SHISAL1: variants seen among roughly 807,000 people sequenced by gnomAD.
SHISAL1 encodes the protein shisa like 1, also known as protein shisa-like-1.
Under a neutral mutation model 22.6 loss-of-function variants are expected in SHISAL1, and 9 were observed. The ratio of observed to expected loss-of-function variants is 0.40; its 90% CI spans 0.24 to 0.70. The LOEUF (loss-of-function observed/expected upper bound fraction) is 0.70, where lower values mean the gene tolerates loss of function less well. Ranked by LOEUF, SHISAL1 falls within the 30% of genes least tolerant of loss-of-function variation. The pLI, the probability that SHISAL1 is intolerant of heterozygous loss-of-function variation, is 0.39. For missense variants in SHISAL1, 246 were observed against 270.6 expected, an observed-to-expected ratio of 0.91 and a Z score of 0.64; for synonymous variants, 119 against 115.4, an observed-to-expected ratio of 1.03 and a Z score of -0.20.
intron 3 of SHISAL1, among the ~76,000 whole-genome samples, chr22:44,295,965 G>T (rs1569222001): frequency 6.6e-6 from 1 of 152,148 alleles, no homozygotes; most frequent in Non-Finnish European, 1.5e-5. Context: ...GAAAAGAACT[G>T]CATGGGATTA....
At chr22:44,299,458 T>C (rs1244905715) in intron 2 of SHISAL1, among the ~76,000 whole-genome samples, 1 of 152,124 alleles carries the variant, frequency 6.6e-6, no homozygotes, top group Non-Finnish European at 1.5e-5. Flanking sequence ...CCTCCAGGGA[T>C]GGTGAGGACC....
chr22:44,313,547 G>A (rs1357259527), upstream of SHISAL1, among the ~76,000 whole-genome samples: 1 of 152,240 alleles, frequency 6.6e-6, no homozygotes, highest in South Asian at 2.1e-4. Flanking sequence ...GGTGGGGATG[G>A]GGCAGGAACA....
upstream of SHISAL1, among the ~76,000 whole-genome samples, chr22:44,316,285 C>A (rs1327654508): frequency 1.3e-5 from 2 of 152,058 alleles, no homozygotes; most frequent in Non-Finnish European, 2.9e-5. Context: ...AGTGACCACT[C>A]TGAGCCTCAG....
At position 44,285,458 on chromosome 22, in the gene SHISAL1, G is replaced by C. The variant is rs375503885; in HGVS notation, c.569C>G (p.Pro190Arg). ...AGACGAACTCTGGAAGGTCATCAGC[G>C]GTGGGCTGTGAGCATCTCCCCGCAA... The part of the protein sequence containing the change: ...HTLRGDAHSP[P>R]LMTFQSSSA Residue 190 changes from proline (P) to arginine (R), a missense_variant, in exon 4 of 5, where the codon CCG becomes CGG. Physicochemically the swap from Pro to Arg is moderately radical, Grantham distance 103. Transcript: ENST00000381176. 1 of 1,614,036 alleles carries C rather than the reference G, an allele frequency of 6.2e-7. No homozygotes were observed. The highest frequency in any genetic ancestry group is 2.2e-5 in the East Asian group (1 of 44,868).
upstream of SHISAL1, among the ~76,000 whole-genome samples, chr22:44,317,908 A>G (rs534158581): frequency 1.9e-4 from 29 of 152,368 alleles, 1 homozygote; most frequent in South Asian, 5.6e-3. Flanking sequence ...CAGGATGGCT[A>G]ATGAACATGT....
At chr22:44,258,987 T>C (rs2055103410) in intron 4 of SHISAL1, among the ~76,000 whole-genome samples, 1 of 152,150 alleles carries the variant, frequency 6.6e-6, no homozygotes, top group South Asian at 2.1e-4. Context: ...CTCAACATTC[T>C]GGACCCAAGG....
Position 44,306,906 on chromosome 22 carries a change from T to C in SHISAL1, c.-33+5845A>G, listed in dbSNP as rs571694381. 1.0e-4 allele frequency among the ~76,000 whole-genome samples: 15 copies of C among 146,358 alleles called. No individual in the cohort carries two copies. In the South Asian group the frequency reaches 1.8e-3, roughly 17 times the overall value. ...TCGGGGAGGTGTGATGATGATGGCG[T>C]GTGTGGAAGGGACCTGTGCTCGGGG... is the stretch of plus-strand genomic sequence containing the variant. On this transcript the variant is annotated intron_variant, in intron 1 of 4. Transcript: ENST00000381176.
At chr22:44,317,801 G>C (rs1321902534), upstream of SHISAL1, among the ~76,000 whole-genome samples, 2 of 152,236 alleles carry the variant, frequency 1.3e-5, no homozygotes, top group Non-Finnish European at 2.9e-5. Context: ...CCGCAGCATA[G>C]CAAGCACCAG....
At chr22:44,305,643 G>A (rs1020949790) in intron 1 of SHISAL1, among the ~76,000 whole-genome samples, 5 of 152,254 alleles carry the variant, frequency 3.3e-5, no homozygotes, top group Admixed American at 2.0e-4. Flanking sequence ...GGCACACCCC[G>A]TGGTCATGTG....
chr22:44,287,605 T>A (rs942660586), intron 3 of SHISAL1, among the ~76,000 whole-genome samples: 1 of 151,640 alleles, frequency 6.6e-6, no homozygotes, highest in Non-Finnish European at 1.5e-5. Flanking sequence ...GGCTCGCTCA[T>A]GCTAAGGTGT....
At chr22:44,269,698 C>A (rs1218459423) in intron 4 of SHISAL1, among the ~76,000 whole-genome samples, 1 of 151,384 alleles carries the variant, frequency 6.6e-6, no homozygotes, top group African/African-American at 2.4e-5. Context: ...CCAAGCCACA[C>A]ACTCACAACA....
chr22:44,292,355 G>A (rs764495630), intron 3 of SHISAL1, among the ~76,000 whole-genome samples: 1 of 152,150 alleles, frequency 6.6e-6, no homozygotes, highest in African/African-American at 2.4e-5. Flanking sequence ...GGTCTGGTGC[G>A]GTCCCCAGTG....
Position 44,245,702 on chromosome 22 carries a change from C to G in SHISAL1, c.*3983G>C, listed in dbSNP as rs1008714623. The G allele has an allele frequency of 7.2e-5, 11 of 152,358 alleles. 1 individual carries two copies. Among genetic ancestry groups the G allele is most frequent in the Admixed American group, 4.6e-4 (7 of 15,292 alleles). 9.4% of individuals were successfully genotyped at this position (152,358 alleles called of 1,614,324 possible). The stretch of plus-strand genomic sequence containing the variant: ...GTGCCAAGCACAGCCACACCCACAG[C>G]CCTGGTCTGTTTGCCATGACCTGAA... On this transcript the variant is annotated 3_prime_UTR_variant, in exon 5 of 5. Transcript: ENST00000381176.
the SHISAL1 span, among the ~76,000 whole-genome samples, chr22:44,323,684 C>T: frequency 6.7e-6 from 1 of 149,154 alleles, no homozygotes; most frequent in Admixed American, 6.6e-5. Context: ...TCCATCCATC[C>T]ATCCATCTAT....
the SHISAL1 span, among the ~76,000 whole-genome samples, chr22:44,321,961 C>T: frequency 2.0e-5 from 3 of 152,184 alleles, no homozygotes; most frequent in Admixed American, 1.3e-4. Flanking sequence ...CCGAGGCAGA[C>T]AGGAGGCAGG....
At chr22:44,324,703 A>G in the SHISAL1 span, among the ~76,000 whole-genome samples, 40,413 of 152,134 alleles carry the variant, frequency 0.27, 5,806 homozygotes, top group African/African-American at 0.36. Flanking sequence ...TGTCTATGTG[A>G]AATCCCAGCA....
At chr22:44,287,795 C>G (rs527541171) in intron 3 of SHISAL1, among the ~76,000 whole-genome samples, 2 of 152,092 alleles carry the variant, frequency 1.3e-5, no homozygotes, top group Non-Finnish European at 2.9e-5. Flanking sequence ...CCATGTAGAC[C>G]GAGGAGTCAG....
At chr22:44,299,269 C>T (rs1011410120) in intron 2 of SHISAL1, among the ~76,000 whole-genome samples, 2 of 152,198 alleles carry the variant, frequency 1.3e-5, no homozygotes, top group African/African-American at 2.4e-5. Flanking sequence ...AGCCGCATTT[C>T]GGGCCCCGAA....
intron 1 of SHISAL1, 83 bp from the exon 2 acceptor site, chr22:44,301,060 G>T: frequency 3.3e-6 from 3 of 897,684 alleles, no homozygotes; most frequent in Non-Finnish European, 5.3e-6. Flanking sequence ...GGGACGGGCA[G>T]GCGGGCAGCG....
Sources: gnomAD v4.1 joint callset for allele counts (sites outside exome capture counted in the v4.1 genomes callset) on GRCh38, gnomAD v4.1.1 for gene constraint, MANE v1.5 for transcripts, NCBI Gene and HGNC (gene_info 2026-07-23, HGNC 2026-07-21) for gene names.